Variants in KLHL1 observed in about 807,000 individuals in gnomAD.
KLHL1 encodes kelch like family member 1.
Under a neutral mutation model 77.7 loss-of-function variants are expected in KLHL1, and 47 were observed. The ratio of observed to expected loss-of-function variants is 0.60; its 90% confidence interval spans 0.48 to 0.77. The LOEUF (loss-of-function observed/expected upper bound fraction) is 0.77, where lower values mean the gene tolerates loss of function less well. KLHL1 is among the 30% of genes least tolerant of loss of function. KLHL1 has a pLI of 0.00. For synonymous variants in KLHL1, 360 were observed against 325.2 expected, an observed-to-expected ratio of 1.11 and a Z score of -1.15; for missense variants, 925 against 910.8, an observed-to-expected ratio of 1.02 and a Z score of -0.20.
chr13:69,735,732 T>A (rs1172416102), intron 8 of KLHL1, among the ~76,000 whole-genome samples: 1 of 151,666 alleles, frequency 6.6e-6, no homozygotes, highest in Non-Finnish European at 1.5e-5. Flanking sequence ...ATATTTCAAA[T>A]TTAGAGATCC....
intron 2 of KLHL1, among the ~76,000 whole-genome samples, chr13:69,962,660 ATGT>A (rs1203028954): frequency 2.0e-5 from 3 of 152,048 alleles, no homozygotes; most frequent in Non-Finnish European, 4.4e-5. Flanking sequence ...AAAATTTATA[ATGT>A]TGTTAATGAT....
rs114837810 is a variant in KLHL1 at position 69,875,382 on chromosome 13, T to C, written c.1227+6901A>G. Among the ~76,000 whole-genome samples, 677 of 152,178 alleles carry C rather than the reference T, an allele frequency of 4.4e-3. 6 individuals are homozygous for C. Among genetic ancestry groups the C allele is most frequent in the African/African-American group, 0.015 (638 of 41,552 alleles). ...GAATTATCCAAAATAGACTAAAAAT[T>C]GATACAATTGATAATGTAAGAAGTG... On this transcript the variant is annotated intron_variant, in intron 5 of 10. Transcript: ENST00000377844.
chr13:70,059,898 T>C (rs943740470), intron 1 of KLHL1, among the ~76,000 whole-genome samples: 2 of 152,146 alleles, frequency 1.3e-5, no homozygotes, highest in African/African-American at 4.8e-5. Context: ...TCACTCACTA[T>C]CATGGGAACA....
chr13:69,981,215 T>C (rs1192383780), intron 1 of KLHL1, among the ~76,000 whole-genome samples: 3 of 143,890 alleles, frequency 2.1e-5, no homozygotes, highest in Non-Finnish European at 4.4e-5. Context: ...GTGTACATTA[T>C]GACAATACTA....
intron 1 of KLHL1, among the ~76,000 whole-genome samples, chr13:69,984,434 T>C (rs1176315022): frequency 6.6e-6 from 1 of 152,108 alleles, no homozygotes; most frequent in Non-Finnish European, 1.5e-5. Context: ...ACGTGTACAG[T>C]AAGGAGCAGA....
At chr13:70,009,710 T>G (rs1471155090) in intron 1 of KLHL1, among the ~76,000 whole-genome samples, 1 of 152,218 alleles carries the variant, frequency 6.6e-6, no homozygotes, top group Admixed American at 6.5e-5. Context: ...AATGTGGAAC[T>G]AATAGGTATA....
chr13:69,915,046 T>A (rs1395689524), intron 4 of KLHL1, among the ~76,000 whole-genome samples: 2 of 152,108 alleles, frequency 1.3e-5, no homozygotes, highest in Non-Finnish European at 2.9e-5. Context: ...ATGGTACTGC[T>A]CATTGGAATG....
chr13:69,895,998 G>A lies in KLHL1; in HGVS notation c.1015-13503C>T, dbSNP rs146319458. On this transcript the variant is annotated intron_variant, in intron 4 of 10. Coordinates refer to ENST00000377844, the MANE Select transcript of KLHL1 (RefSeq NM_020866.3). ...GCTGGGATTACAGGCATGAGCCACC[G>A]TGCCCAGCCAGGAAAAATCTGTTTT... Among the ~76,000 whole-genome samples, 625 of 152,058 alleles carry A rather than the reference G, an allele frequency of 4.1e-3. 8 individuals carry two copies. Among genetic ancestry groups the A allele is most frequent in the African/African-American group, 0.014 (579 of 41,478 alleles).
chr13:69,956,036 T>A (rs904259862), intron 3 of KLHL1, among the ~76,000 whole-genome samples: 10 of 122,270 alleles, frequency 8.2e-5, no homozygotes, highest in Non-Finnish European at 1.5e-4. Context: ...TTATATATAT[T>A]TATATATATT....
At chr13:69,863,175 G>A (rs983392647) in intron 5 of KLHL1, among the ~76,000 whole-genome samples, 14 of 152,006 alleles carry the variant, frequency 9.2e-5, no homozygotes, top group African/African-American at 2.7e-4. Context: ...TTGGCATTTT[G>A]TATATGTTGT....
intron 1 of KLHL1, among the ~76,000 whole-genome samples, chr13:70,047,796 TA>T (rs1886539029): frequency 6.6e-6 from 1 of 152,216 alleles, no homozygotes; most frequent in Non-Finnish European, 1.5e-5. Flanking sequence ...TCTTGTTCTC[TA>T]CCTGCTTCTA....
At chr13:69,788,910 T>G (rs919458520) in intron 7 of KLHL1, among the ~76,000 whole-genome samples, 6 of 152,130 alleles carry the variant, frequency 3.9e-5, no homozygotes, top group African/African-American at 9.7e-5. Flanking sequence ...TCTAATGATA[T>G]TACAATGGCT....
chr13:69,912,805 G>A (rs1288476969), intron 4 of KLHL1, among the ~76,000 whole-genome samples: 3 of 152,130 alleles, frequency 2.0e-5, no homozygotes, highest in East Asian at 1.9e-4. Flanking sequence ...TCCCTTGGCT[G>A]GTTCCTGAAG....
chr13:70,004,337 A>G (rs925657608), intron 1 of KLHL1, among the ~76,000 whole-genome samples: 1 of 151,772 alleles, frequency 6.6e-6, no homozygotes, highest in African/African-American at 2.4e-5. Flanking sequence ...GAACATAAAA[A>G]CATTTCACTA....
chr13:70,022,926 A>ACATTG (rs1249728261), intron 1 of KLHL1, among the ~76,000 whole-genome samples: 3 of 151,990 alleles, frequency 2.0e-5, no homozygotes, highest in African/African-American at 7.2e-5. Flanking sequence ...GTAAAACTAT[A>ACATTG]CATTGCAAAG....
At chr13:69,884,584 T>C (rs1458708389) in intron 4 of KLHL1, among the ~76,000 whole-genome samples, 4 of 152,158 alleles carry the variant, frequency 2.6e-5, no homozygotes, top group African/African-American at 9.7e-5. Context: ...GTGAGGGATG[T>C]CATAAAAAAC....
intron 8 of KLHL1, among the ~76,000 whole-genome samples, chr13:69,726,892 C>G (rs185547488): frequency 6.6e-6 from 1 of 152,152 alleles, no homozygotes; most frequent in East Asian, 1.9e-4. Context: ...ATCATCATGA[C>G]CAGTACATGT....
At chr13:69,876,918 T>A (rs557422714) in intron 5 of KLHL1, among the ~76,000 whole-genome samples, 1 of 152,132 alleles carries the variant, frequency 6.6e-6, no homozygotes, top group South Asian at 2.1e-4. Flanking sequence ...ATGCATGTAA[T>A]CCCAGCTACT....
chr13:69,757,548 G>A (rs1874807093), intron 7 of KLHL1, among the ~76,000 whole-genome samples: 1 of 152,086 alleles, frequency 6.6e-6, no homozygotes, highest in Non-Finnish European at 1.5e-5. Context: ...GGCCCTCTGG[G>A]GCAACCCAAA....
Sources: gnomAD v4.1 joint callset for allele counts (sites outside exome capture counted in the v4.1 genomes callset) on GRCh38, gnomAD v4.1.1 for gene constraint, MANE v1.5 for transcripts, NCBI Gene and HGNC (gene_info 2026-07-23, HGNC 2026-07-21) for gene names.